PCDH7: variants seen among roughly 807,000 people sequenced by gnomAD.
The protein encoded by PCDH7 is protocadherin 7.
Under a neutral mutation model 58.9 loss-of-function variants are expected in PCDH7, and 17 were observed. The observed-to-expected ratio is 0.29, with a 90% CI of 0.20 to 0.43. The LOEUF (loss-of-function observed/expected upper bound fraction) is 0.43, where lower values mean the gene tolerates loss of function less well. Among genes scored for constraint, PCDH7 ranks in the 20% least tolerant of loss-of-function variants. The pLI is 1.00. For synonymous variants in PCDH7, 664 were observed against 616.4 expected (o/e 1.08, Z -1.14); for missense variants, 1,274 against 1,441.0 (o/e 0.88, Z 1.88).
chr4:30,949,512 C>A (rs968812771), intron 2 of PCDH7, among the ~76,000 whole-genome samples: 3 of 152,030 alleles, frequency 2.0e-5, no homozygotes, highest in African/African-American at 7.2e-5. Context: ...CCAGATTAAA[C>A]CATGTCCACA....
intron 1 of PCDH7, among the ~76,000 whole-genome samples, chr4:30,841,505 A>G (rs1469754863): frequency 6.6e-6 from 1 of 152,122 alleles, no homozygotes; most frequent in Non-Finnish European, 1.5e-5. Context: ...TAATCTATCT[A>G]AAGCATTACC....
At chr4:31,140,340 A>G (rs1202698297) in intron 3 of PCDH7, among the ~76,000 whole-genome samples, 1 of 152,144 alleles carries the variant, frequency 6.6e-6, no homozygotes, top group Non-Finnish European at 1.5e-5. Context: ...TGAGACATAA[A>G]TGTGGAGAGA....
intron 3 of PCDH7, among the ~76,000 whole-genome samples, chr4:31,111,527 C>G (rs1716318948): frequency 6.6e-6 from 1 of 152,078 alleles, no homozygotes; most frequent in African/African-American, 2.4e-5. Flanking sequence ...CCAGGCTGGT[C>G]TCAAATTCCT....
Position 31,046,989 on chromosome 4 carries a change from A to G in PCDH7, c.*8-95484A>G, listed in dbSNP as rs1040001294. On this transcript the variant is annotated intron_variant, in intron 3 of 3. Coordinates refer to the PCDH7 transcript ENST00000509759. ...AGAATGAAAGGACACAGTTGCTGCT[A>G]TACCATTCTGTACATAATAGTGCTT... 2.6e-5 allele frequency among the ~76,000 whole-genome samples: 4 copies of G among 152,084 alleles called. No homozygotes were observed. The South Asian group carries it at 8.3e-4, about 31-fold the overall frequency.
At chr4:30,724,494 A>G (rs1214623691) in exon 1 of PCDH7, 4 of 1,613,998 alleles carry the variant, frequency 2.5e-6, no homozygotes, top group Admixed American at 1.7e-5. Context: ...TACAAGATCT[A>G]CCACCAGCCA....
chr4:31,115,124 G>A (rs768090320), intron 3 of PCDH7, among the ~76,000 whole-genome samples: 59 of 151,956 alleles, frequency 3.9e-4, no homozygotes, highest in Non-Finnish European at 6.6e-4. Flanking sequence ...CAAATAGAAG[G>A]AAAAACATAG....
At chr4:30,843,721 G>A (rs1376615555) in intron 1 of PCDH7, among the ~76,000 whole-genome samples, 1 of 151,830 alleles carries the variant, frequency 6.6e-6, no homozygotes, top group East Asian at 1.9e-4. Context: ...GGTACATTTG[G>A]GCTGAGATTG....
At chr4:30,857,693 A>G (rs937961664) in intron 1 of PCDH7, among the ~76,000 whole-genome samples, 2 of 152,110 alleles carry the variant, frequency 1.3e-5, no homozygotes, top group Admixed American at 1.3e-4. Context: ...CAGTTCATTA[A>G]GTGTGTTTTC....
intron 3 of PCDH7, among the ~76,000 whole-genome samples, chr4:31,042,496 G>A (rs1157213580): frequency 1.3e-5 from 2 of 152,044 alleles, no homozygotes; most frequent in Non-Finnish European, 2.9e-5. Context: ...ATGTGTGTGT[G>A]TATTTTATAT....
At chr4:30,840,733 A>T (rs1325855981) in intron 1 of PCDH7, among the ~76,000 whole-genome samples, 1 of 152,118 alleles carries the variant, frequency 6.6e-6, no homozygotes, top group African/African-American at 2.4e-5. Context: ...CAAAACAGGG[A>T]AGCAAACCAA....
At chr4:30,873,457 T>C (rs564379246) in intron 1 of PCDH7, among the ~76,000 whole-genome samples, 1 of 95,060 alleles carries the variant, frequency 1.1e-5, no homozygotes, top group South Asian at 3.2e-4. Flanking sequence ...TATGTTAAAA[T>C]TTAATACAAA....
At chr4:30,725,958 C>T (rs370290264) in intron 1 of PCDH7, among the ~76,000 whole-genome samples, 1 of 152,004 alleles carries the variant, frequency 6.6e-6, no homozygotes, top group Non-Finnish European at 1.5e-5. Flanking sequence ...TATCTAATAA[C>T]AAATGCAATC....
chr4:30,927,620 G>T (rs1189611981), intron 2 of PCDH7, among the ~76,000 whole-genome samples: 1 of 152,002 alleles, frequency 6.6e-6, no homozygotes, highest in Non-Finnish European at 1.5e-5. Context: ...ATTAAGGGCG[G>T]TGCAAGATGT....
chr4:30,835,103 G>C (rs1479801758), intron 1 of PCDH7, among the ~76,000 whole-genome samples: 2 of 152,228 alleles, frequency 1.3e-5, no homozygotes, highest in East Asian at 3.9e-4. Context: ...ATCTTCTGGG[G>C]TTTGCTGTGT....
chr4:31,058,373 G>A (rs1757423524), intron 3 of PCDH7, among the ~76,000 whole-genome samples: 1 of 151,922 alleles, frequency 6.6e-6, no homozygotes, highest in Non-Finnish European at 1.5e-5. Flanking sequence ...TGATGCCTGG[G>A]TAAGCAATAT....
intron 1 of PCDH7, among the ~76,000 whole-genome samples, chr4:30,851,829 G>C (rs1028064035): frequency 6.6e-6 from 1 of 152,014 alleles, no homozygotes; most frequent in African/African-American, 2.4e-5. Context: ...GTGATAATAT[G>C]AGTCAGTATT....
At chr4:30,724,232 A>T (rs1454525217) in exon 1 of PCDH7, 2 of 1,613,590 alleles carry the variant, frequency 1.2e-6, no homozygotes, top group Non-Finnish European at 1.7e-6. Context: ...CCTAAAAAGG[A>T]CAAGAAAAAC....
At chr4:30,802,200 C>CCCATAT (rs1725611391) in intron 1 of PCDH7, among the ~76,000 whole-genome samples, 1 of 152,064 alleles carries the variant, frequency 6.6e-6, no homozygotes, top group African/African-American at 2.4e-5. Flanking sequence ...CATATCAAAG[C>CCCATAT]CAAACTCCAT....
intron 3 of PCDH7, among the ~76,000 whole-genome samples, chr4:31,048,700 T>C (rs1756485536): frequency 6.6e-6 from 1 of 151,570 alleles, no homozygotes; most frequent in African/African-American, 2.4e-5. Context: ...AGCATCCCAC[T>C]AGTACTGTTG....
Sources: gnomAD v4.1 joint callset for allele counts (sites outside exome capture counted in the v4.1 genomes callset) on GRCh38, gnomAD v4.1.1 for gene constraint, MANE v1.5 for transcripts, NCBI Gene and HGNC (gene_info 2026-07-23, HGNC 2026-07-21) for gene names.